RYR2: variants seen among roughly 807,000 people sequenced by gnomAD.
The protein encoded by RYR2 is ryanodine receptor 2, also known as cardiac muscle ryanodine receptor-calcium release channel.
In RYR2, 227 loss-of-function variants were observed where a neutral mutation model predicts 601.1. The observed-to-expected ratio is 0.38, with a 90% CI of 0.34 to 0.42. The LOEUF is 0.42. RYR2 is among the 10% of genes least tolerant of loss of function. The pLI is 1.00. For missense variants in RYR2, 4,646 were observed against 6,156.5 expected (o/e 0.75, Z 8.21); for synonymous variants, 2,223 against 2,175.1 (o/e 1.02, Z -0.61).
At chr1:237,128,004 A>C (rs1375988131) in intron 1 of RYR2, among the ~76,000 whole-genome samples, 4 of 152,190 alleles carry the variant, frequency 2.6e-5, no homozygotes, top group Non-Finnish European at 5.9e-5. Context: ...AGAGGCTGCA[A>C]TCTCGGCACT....
chr1:237,358,104 T>C (rs779796855), intron 4 of RYR2, among the ~76,000 whole-genome samples: 1 of 152,158 alleles, frequency 6.6e-6, no homozygotes, highest in African/African-American at 2.4e-5. Context: ...CCCAGGACTA[T>C]TGAGACTCCT....
At chr1:237,701,504 G>C (rs1687965592) in intron 65 of RYR2, among the ~76,000 whole-genome samples, 2 of 151,814 alleles carry the variant, frequency 1.3e-5, no homozygotes, top group Non-Finnish European at 2.9e-5. Context: ...ACTCCAGCCT[G>C]GGTGACAGAG....
At chr1:237,119,562 G>A (rs1670544787) in intron 1 of RYR2, among the ~76,000 whole-genome samples, 1 of 152,168 alleles carries the variant, frequency 6.6e-6, no homozygotes. Context: ...GGGCCGTTCA[G>A]GTTCCTTGGG....
At chr1:237,556,896 A>G (rs1397942911) in intron 27 of RYR2, among the ~76,000 whole-genome samples, 2 of 138,348 alleles carry the variant, frequency 1.4e-5, no homozygotes, top group Non-Finnish European at 3.1e-5. Flanking sequence ...AAAAAAAAAA[A>G]AAAAAAAAAA....
chr1:237,732,800 C>T (rs181638560), intron 78 of RYR2, among the ~76,000 whole-genome samples: 9 of 152,280 alleles, frequency 5.9e-5, no homozygotes, highest in Admixed American at 5.9e-4. Flanking sequence ...TGGGACATAG[C>T]AGAGGCTAGA....
At chr1:237,062,157 T>C (rs949044047) in intron 1 of RYR2, among the ~76,000 whole-genome samples, 6 of 152,238 alleles carry the variant, frequency 3.9e-5, no homozygotes, top group African/African-American at 9.6e-5. Context: ...TGTTTTGTTA[T>C]ATGTTGGTGT....
intron 97 of RYR2, among the ~76,000 whole-genome samples, chr1:237,800,411 T>C (rs1020294503): frequency 1.3e-5 from 2 of 152,016 alleles, no homozygotes; most frequent in Non-Finnish European, 2.9e-5. Flanking sequence ...AAGATAACTT[T>C]ATTTAAGGAA....
Position 237,390,089 on chromosome 1 carries a change from G to A in RYR2, c.773+1906G>A, listed in dbSNP as rs549847236. On this transcript the variant is annotated intron_variant, in intron 10 of 104. Coordinates refer to ENST00000366574, the MANE Select transcript of RYR2 (RefSeq NM_001035.3). ...AGTGATAGTTTAGTAGGGAACCAGGGAAGTTAGTCATTGAAGTCAAAGGAT... is the reference window on the plus strand; with the variant it reads ...AGTGATAGTTTAGTAGGGAACCAGGAAAGTTAGTCATTGAAGTCAAAGGAT... Among the ~76,000 whole-genome samples the A allele has an allele frequency of 2.7e-5, 4 of 150,020 alleles. No homozygotes were observed. The East Asian group carries it at 7.7e-4, about 29-fold the overall frequency.
chr1:237,756,384 A>T lies in RYR2; in HGVS notation c.11242A>T (p.Lys3748Ter). The T allele has an allele frequency of 6.2e-7, 1 of 1,608,752 alleles. No individual in the cohort carries two copies. Among genetic ancestry groups the T allele is most frequent in the Non-Finnish European group, 8.5e-7 (1 of 1,175,902 alleles). Reference sequence around the variant, plus strand: ...GGTGCTACAGACAATCAGTGCCAGCAAAGGTAAGGTTCCTTGAGTTCCCCT... The same window carrying T: ...GGTGCTACAGACAATCAGTGCCAGCTAAGGTAAGGTTCCTTGAGTTCCCCT... ...EMVLQTISAS[K>*]GETGPMVAAT... The change falls in exon 81 of 105, where the codon AAA becomes TAA. Residue 3748 changes from lysine to a stop codon, truncating the protein, a stop_gained. Transcript: ENST00000366574. LOFTEE classifies it high-confidence loss of function.
Position 237,633,609 on chromosome 1 carries a change from G to A in RYR2, c.6587G>A (p.Cys2196Tyr), listed in dbSNP as rs1680567505. 2 of 1,613,968 alleles carry A rather than the reference G, an allele frequency of 1.2e-6. No homozygotes were observed. The highest frequency in any genetic ancestry group is 1.1e-5 in the South Asian group (1 of 91,082). ...ACCTTTCCCAAGATGGTGGCCAACT[G>A]TTGCCGTTTTCTCTGTTACTTCTGT... ...EITFPKMVAN[C>Y]CRFLCYFCRI... The change falls in exon 43 of 105, where the codon TGT becomes TAT. Residue 2196 changes from cysteine to tyrosine, a missense_variant. By Grantham distance (194) the Cys-to-Tyr change is radical. This residue lies in a region of RYR2 where 137 missense variants were observed against 273.6 expected (regional missense o/e 0.50). Transcript: ENST00000366574.
intron 1 of RYR2, among the ~76,000 whole-genome samples, chr1:237,052,226 C>T (rs998369162): frequency 2.6e-5 from 4 of 152,028 alleles, no homozygotes; most frequent in African/African-American, 9.7e-5. Flanking sequence ...AACAGTGAAA[C>T]CTTATATGCA....
intron 30 of RYR2, 40 bp downstream of exon 30, chr1:237,590,041 C>T (rs1674975803): frequency 6.4e-7 from 1 of 1,556,448 alleles, no homozygotes; most frequent in East Asian, 2.3e-5. Flanking sequence ...TTCTAAAAAG[C>T]AGGAAAAGAA....
chr1:237,145,067 G>A (rs181355438), intron 1 of RYR2, among the ~76,000 whole-genome samples: 40 of 152,124 alleles, frequency 2.6e-4, no homozygotes, highest in Non-Finnish European at 5.6e-4. Flanking sequence ...GGGGCCTGTC[G>A]GGGGGTTGGG....
chr1:237,833,215 T>G lies in RYR2; in HGVS notation c.*568T>G, dbSNP rs1664001240. 2 of 147,428 alleles carry G rather than the reference T, an allele frequency of 1.4e-5. No individual in the cohort carries two copies. The highest frequency in any genetic ancestry group is 3.0e-5 in the Non-Finnish European group (2 of 65,978). 9.1% of individuals were successfully genotyped at this position (147,428 alleles called of 1,614,324 possible). On this transcript the variant is annotated 3_prime_UTR_variant, in exon 105 of 105. Transcript: ENST00000366574. ...TTTTCTTAGATTGATTTTGTGAGGT[T>G]TTTTTTTTTTCCTTTAGTCTTTTCT... is the stretch of plus-strand genomic sequence containing the variant.
At chr1:237,117,937 G>A (rs10925319) in intron 1 of RYR2, among the ~76,000 whole-genome samples, 60,801 of 151,972 alleles carry the variant, frequency 0.4, 13,989 homozygotes, top group Admixed American at 0.57. Context: ...GTAGAGACAG[G>A]GTTTCGCCAT....
intron 1 of RYR2, among the ~76,000 whole-genome samples, chr1:237,072,313 T>C (rs1479921836): frequency 6.6e-6 from 1 of 152,230 alleles, no homozygotes; most frequent in Non-Finnish European, 1.5e-5. Context: ...GAACCCGGCC[T>C]GTGCAGCTTT....
chr1:237,649,395 A>G (rs756511569), intron 49 of RYR2, among the ~76,000 whole-genome samples: 32 of 152,192 alleles, frequency 2.1e-4, no homozygotes, highest in Non-Finnish European at 3.1e-4. Context: ...CCTGGATAGT[A>G]TGGGCGATAA....
At chr1:237,587,908 G>A (rs1263654401) in intron 29 of RYR2, among the ~76,000 whole-genome samples, 1 of 152,164 alleles carries the variant, frequency 6.6e-6, no homozygotes, top group Middle Eastern at 3.2e-3. Flanking sequence ...ACCATTTGAG[G>A]AAATGTTTCT....
At chr1:237,353,151 A>T (rs959691173) in intron 3 of RYR2, among the ~76,000 whole-genome samples, 1 of 152,210 alleles carries the variant, frequency 6.6e-6, no homozygotes, top group Non-Finnish European at 1.5e-5. Flanking sequence ...TAACAGAATT[A>T]TCCATCTTAA....
Sources: allele counts gnomAD v4.1 joint callset (sites outside exome capture counted in the v4.1 genomes callset), GRCh38; gene constraint gnomAD v4.1.1; regional missense constraint gnomAD v4.1.1; transcripts MANE v1.5; gene names NCBI Gene and HGNC (gene_info 2026-07-23, HGNC 2026-07-21).